The following SBNO1 variants were observed in gnomAD, a reference collection of about 807,000 sequenced individuals.
SBNO1 encodes the protein protein strawberry notch homolog 1.
SBNO1 carries 23 observed loss-of-function variants against 173.6 expected under a neutral mutation model. The observed-to-expected ratio is 0.13, with a 90% CI of 0.10 to 0.19. The LOEUF is 0.19. SBNO1 is among the 10% of genes least tolerant of loss of function. The pLI is 1.00. For missense variants in SBNO1, 1,238 were observed against 1,671.2 expected, an observed-to-expected ratio of 0.74 and a Z score of 4.52; for synonymous variants, 632 against 571.5, an observed-to-expected ratio of 1.11 and a Z score of -1.51.
chr12:123,308,533 G>A (rs1377331014), intron 28 of SBNO1, among the ~76,000 whole-genome samples: 10 of 151,860 alleles, frequency 6.6e-5, no homozygotes, highest in Middle Eastern at 3.2e-3. Flanking sequence ...TTAGCCAGGC[G>A]TGGTGGCAGG....
rs1163983140 is a variant in SBNO1, at chr12:123,293,145, GTTAA to G, written c.*2759_*2762del. On this transcript the variant is annotated 3_prime_UTR_variant, in exon 32 of 32. Coordinates refer to ENST00000602398, the MANE Select transcript of SBNO1 (RefSeq NM_001167856.3). ...ATTGCAGAGGCAAAGTGGACATGGG[GTTAA>G]TTAAACAAGGCCTCTGAATTCAGGT... 4 of 152,220 alleles carry G rather than the reference GTTAA, an allele frequency of 2.6e-5. No individual in the cohort carries two copies. The highest frequency in any genetic ancestry group is 4.4e-5 in the Non-Finnish European group (3 of 68,038). 9.4% of individuals were successfully genotyped at this position (152,220 alleles called of 1,614,324 possible).
intron 24 of SBNO1, among the ~76,000 whole-genome samples, chr12:123,311,691 C>CAATCTATCTATCTAT (rs1424278237): frequency 1.3e-4 from 16 of 121,768 alleles, no homozygotes; most frequent in Non-Finnish European, 2.3e-4. Flanking sequence ...AAACAAGTAA[C>CAATCTATCTATCTAT]CTATCTATCT....
At chr12:123,364,572 G>A in intron 1 of SBNO1, 129 bp downstream of exon 1, 5 of 983,964 alleles carry the variant, frequency 5.1e-6, no homozygotes, top group Non-Finnish European at 6.0e-6. Context: ...AAGCGGCGAG[G>A]GAGGCCCCAA....
chr12:123,340,630 T>C (rs1032981995), intron 5 of SBNO1, among the ~76,000 whole-genome samples: 5 of 149,594 alleles, frequency 3.3e-5, no homozygotes, highest in African/African-American at 9.9e-5. Flanking sequence ...CAGATCATTA[T>C]ATGATCTGTC....
At chr12:123,314,958 G>T (rs1869102905) in intron 23 of SBNO1, among the ~76,000 whole-genome samples, 1 of 150,628 alleles carries the variant, frequency 6.6e-6, no homozygotes, top group Non-Finnish European at 1.5e-5. Flanking sequence ...GGCCAGGCTG[G>T]TCTCGAACTC....
rs1017622799 is a variant in SBNO1 at position 123,295,617 on chromosome 12, CACAAACAGACTG to C, written c.*279_*290del. 1 of 318,668 alleles carries C rather than the reference CACAAACAGACTG, an allele frequency of 3.1e-6. No individual in the cohort carries two copies. Among genetic ancestry groups the C allele is most frequent in the African/African-American group, 2.1e-5 (1 of 48,194 alleles). 19.7% of individuals were successfully genotyped at this position (318,668 alleles called of 1,614,324 possible). ...TGTGGTCTGTAGCCTTTAACACACT[CACAAACAGACTG>C]ACACACACGCACACACACATCCCCC... On this transcript the variant is annotated 3_prime_UTR_variant, in exon 32 of 32. Transcript: ENST00000602398.
At chr12:123,350,812 G>T (rs189329098) in intron 1 of SBNO1, among the ~76,000 whole-genome samples, 1 of 152,252 alleles carries the variant, frequency 6.6e-6, no homozygotes, top group East Asian at 1.9e-4. Context: ...AAACATAGAG[G>T]TATGAAAGAA....
chr12:123,315,276 C>T (rs1040559439), intron 23 of SBNO1, 97 bp downstream of exon 23: 1 of 863,530 alleles, frequency 1.2e-6, no homozygotes, highest in Non-Finnish European at 1.9e-6. Context: ...ATAGGAGAGG[C>T]AGTTTTGTTT....
In SBNO1 at chr12:123,317,456, T is replaced by C. The variant is rs186499782; in HGVS notation, c.2800-100A>G. The C allele has an allele frequency of 4.2e-5, 43 of 1,020,018 alleles. 1 individual carries two copies. The African/African-American group carries it at 6.0e-4, about 14-fold the overall frequency. 63.2% of individuals were successfully genotyped at this position (1,020,018 alleles called of 1,614,324 possible). A position where few individuals can be genotyped will look rare whatever the true frequency, so the allele number is the denominator to read the frequency against. Reference sequence around the variant, plus strand: ...CAGCAGACTGCCTATTCTCTCCTTCTTTCTCAATAATGAAGACTTCCAGTT... The same window carrying C: ...CAGCAGACTGCCTATTCTCTCCTTCCTTCTCAATAATGAAGACTTCCAGTT... On this transcript the variant is annotated intron_variant, in intron 20 of 31. Transcript: ENST00000602398.
chr12:123,328,110 C>G, intron 10 of SBNO1, 83 bp from the exon 11 acceptor site: 1 of 1,135,176 alleles, frequency 8.8e-7, no homozygotes. Flanking sequence ...ACTTTTATTT[C>G]CCTGAGGCCT....
chr12:123,358,371 GT>G lies in SBNO1; in HGVS notation c.-1+6329del, dbSNP rs1331816119. Among the ~76,000 whole-genome samples, 7 of 152,134 alleles carry G rather than the reference GT, an allele frequency of 4.6e-5. 1 individual carries two copies. Among genetic ancestry groups the G allele is most frequent in the Non-Finnish European group, 8.8e-5 (6 of 68,016 alleles). ...GGATGCTCAACCCATATATGGGTGTGTTTTTTTCTTTTAACCTTCAAGATAA... is the reference window on the plus strand; with the variant it reads ...GGATGCTCAACCCATATATGGGTGTGTTTTTTCTTTTAACCTTCAAGATAA... On this transcript the variant is annotated intron_variant, in intron 1 of 31. Coordinates refer to ENST00000602398, the MANE Select transcript of SBNO1 (RefSeq NM_001167856.3).
intron 28 of SBNO1, among the ~76,000 whole-genome samples, chr12:123,307,961 A>G (rs2138909675): frequency 6.6e-6 from 1 of 152,212 alleles, no homozygotes. Flanking sequence ...AGTCCCAGCT[A>G]CTCGGGAGGC....
chr12:123,325,273 C>T (rs370099163), intron 15 of SBNO1, among the ~76,000 whole-genome samples: 12 of 152,228 alleles, frequency 7.9e-5, no homozygotes, highest in African/African-American at 2.9e-4. Flanking sequence ...TGTTAGTTCA[C>T]ATACTCTGTG....
chr12:123,344,545 A>G (rs577551153), intron 4 of SBNO1, among the ~76,000 whole-genome samples: 1 of 152,246 alleles, frequency 6.6e-6, no homozygotes, highest in East Asian at 1.9e-4. Flanking sequence ...TTAGCCCTCT[A>G]TTTCATAAAA....
chr12:123,306,498 G>T (rs1593331873), intron 28 of SBNO1, among the ~76,000 whole-genome samples: 1 of 152,124 alleles, frequency 6.6e-6, no homozygotes, highest in African/African-American at 2.4e-5. Context: ...AGAAGCTGGG[G>T]ATCAGGACTT....
At chr12:123,307,220 A>T (rs1248867554) in intron 28 of SBNO1, among the ~76,000 whole-genome samples, 1 of 151,476 alleles carries the variant, frequency 6.6e-6, no homozygotes, top group Non-Finnish European at 1.5e-5. Flanking sequence ...AAACCAAAAA[A>T]CCCCAACTCA....
At chr12:123,300,242 G>T (rs919756184) in intron 30 of SBNO1, among the ~76,000 whole-genome samples, 1 of 152,130 alleles carries the variant, frequency 6.6e-6, no homozygotes, top group Non-Finnish European at 1.5e-5. Flanking sequence ...TTAATTTTTT[G>T]TAGAGATGGA....
At chr12:123,347,223 C>CT (rs1285044544) in intron 3 of SBNO1, among the ~76,000 whole-genome samples, 2 of 151,780 alleles carry the variant, frequency 1.3e-5, no homozygotes, top group African/African-American at 4.8e-5. Context: ...ATTAATTATG[C>CT]TTTTTTGTTG....
rs1873735837 is a variant in SBNO1 at position 123,350,362 on chromosome 12, T to C, written c.80A>G (p.Asp27Gly). 3 of 1,613,984 alleles carry C rather than the reference T, an allele frequency of 1.9e-6. No individual in the cohort carries two copies. Among genetic ancestry groups the C allele is most frequent in the Non-Finnish European group, 2.5e-6 (3 of 1,179,926 alleles). The change falls in exon 2 of 32, where the codon GAT (aspartate) becomes GGT (glycine). Residue 27 changes from aspartate to glycine, a missense_variant. Around this residue, in one of 14 missense-constraint regions of SBNO1, gnomAD observed 287 missense variants for 274.1 expected, o/e 1.05. Coordinates refer to ENST00000602398, the MANE Select transcript of SBNO1 (RefSeq NM_001167856.3). The stretch of plus-strand genomic sequence containing the variant: ...AGTTGCAAGCCCTGCATCTCCACCA[T>C]CAATATCAAAGAGGTCATTCGGACT... ...GISPNDLFDIDGGDAGLATPM... is the reference protein window; with the variant it reads ...GISPNDLFDIGGGDAGLATPM...
Sources: gnomAD v4.1 joint callset for allele counts (sites outside exome capture counted in the v4.1 genomes callset) on GRCh38, gnomAD v4.1.1 for gene constraint, gnomAD v4.1.1 regional missense constraint, MANE v1.5 for transcripts, NCBI Gene and HGNC (gene_info 2026-07-23, HGNC 2026-07-21) for gene names.